The following PHF11 variants were observed in gnomAD, a reference collection of about 807,000 sequenced individuals.
The protein encoded by PHF11 is PHD finger protein 11, also known as BRCA1 C-terminus-associated protein.
PHF11 carries 38 observed loss-of-function variants against 40.5 expected under a neutral mutation model. The ratio of observed to expected loss-of-function variants is 0.94; its 90% confidence interval spans 0.72 to 1.23. PHF11 has a LOEUF of 1.23. Among genes scored for constraint, PHF11 ranks in the 50% most tolerant of loss-of-function variants. The pLI, the probability that PHF11 is intolerant of heterozygous loss-of-function variation, is 0.00. For missense variants in PHF11, 369 were observed against 392.4 expected (o/e 0.94, Z 0.50); for synonymous variants, 127 against 138.2 (o/e 0.92, Z 0.57).
chr13:49,514,047 G>A (rs1353454400), intron 3 of PHF11, among the ~76,000 whole-genome samples: 1 of 152,220 alleles, frequency 6.6e-6, no homozygotes, highest in East Asian at 1.9e-4. Flanking sequence ...TAACTAATCA[G>A]GGGTCAGCTC....
chr13:49,521,400 A>T (rs1275603646), intron 5 of PHF11: 2 of 987,732 alleles, frequency 2.0e-6, no homozygotes, highest in Non-Finnish European at 2.4e-6. Flanking sequence ...TGAGTGGAAC[A>T]GCAGTGTCTT....
intron 2 of PHF11, among the ~76,000 whole-genome samples, chr13:49,508,230 T>TTGTGTTATGTATTAATATATTATTAA (rs1447503946): frequency 7.2e-5 from 9 of 124,968 alleles, no homozygotes; most frequent in African/African-American, 2.7e-4. Flanking sequence ...TAATATATTA[T>TTGTGTTATGTATTAATATATTATTAA]TGTGTTATGT....
Position 49,528,550 on chromosome 13 carries a change from A to G in PHF11, c.881A>G (p.Gln294Arg). The G allele has an allele frequency of 6.2e-7, 1 of 1,610,802 alleles. No homozygotes were observed. Among genetic ancestry groups the G allele is most frequent in the Non-Finnish European group, 8.5e-7 (1 of 1,178,282 alleles). Residue 294 changes from glutamine to arginine, a missense_variant, in exon 10 of 10, where the codon CAG becomes CGG. Coordinates refer to ENST00000378319, the MANE Select transcript of PHF11 (RefSeq NM_001040443.3). The part of the protein sequence containing the change: ...KKIHASQQRW[Q>R]QLKEEIELLQ... ...ATTCATGCATCTCAACAAAGGTGGC[A>G]GCAGTTGAAGGAAGAGATTGAGCTA...
intron 6 of PHF11, 130 bp from the exon 7 acceptor site, chr13:49,523,045 G>C: frequency 1.4e-6 from 1 of 722,366 alleles, no homozygotes; most frequent in African/African-American, 1.8e-5. Context: ...TTACAGGCGT[G>C]AGACACCGCG....
Position 49,496,042 on chromosome 13 carries a change from G to T in PHF11, c.41G>T (p.Gly14Val), listed in dbSNP as rs1346272860. The change falls in exon 1 of 10, where the codon GGC becomes GTC. Residue 14 changes from glycine to valine, a missense_variant. Transcript: ENST00000378319. ...CCGCCCCGGCCCGAGAGGGTGCTCG[G>T]CGCCAGCAGCCCGGAGGCCCGGCCC... ...ASPPRPERVL[G>V]ASSPEARPAQ... The T allele has an allele frequency of 6.8e-7, 1 of 1,471,952 alleles. No individual in the cohort carries two copies. The allele number at this position is 1,471,952 out of a possible 1,614,324, so 91.2% of individuals were successfully genotyped here. A position where few individuals can be genotyped will look rare whatever the true frequency, so the allele number is the denominator to read the frequency against.
chr13:49,522,775 T>G (rs1959195430), intron 6 of PHF11, among the ~76,000 whole-genome samples: 1 of 149,048 alleles, frequency 6.7e-6, no homozygotes, highest in African/African-American at 2.5e-5. Context: ...TTGTTTTTTT[T>G]TTTTTTTGAG....
intron 1 of PHF11, among the ~76,000 whole-genome samples, chr13:49,504,448 T>C (rs1478040628): frequency 2.0e-5 from 3 of 151,080 alleles, no homozygotes; most frequent in Admixed American, 6.6e-5. Flanking sequence ...AGAGCGAGAC[T>C]CTGTCTAAAA....
chr13:49,515,715 G>A (rs987056117), intron 3 of PHF11, among the ~76,000 whole-genome samples: 21 of 152,022 alleles, frequency 1.4e-4, no homozygotes, highest in African/African-American at 3.9e-4. Flanking sequence ...TCTCTAAAGC[G>A]AGTACTGACA....
rs532158126 is a variant in PHF11 at position 49,521,858 on chromosome 13, A to T, written c.506-185A>T. The T allele has an allele frequency of 6.2e-4, 240 of 387,280 alleles. 1 individual carries two copies. Among genetic ancestry groups the T allele is most frequent in the Middle Eastern group, 3.8e-3 (5 of 1,320 alleles). The allele number at this position is 387,280 out of a possible 1,614,324, so 24.0% of individuals were successfully genotyped here. A position where few individuals can be genotyped will look rare whatever the true frequency, so the allele number is the denominator to read the frequency against. ...CTACTCAATTATTTACCTGTTTTGC[A>T]TTAAACTTATAATATCTTTTTTAAA... On this transcript the variant is annotated intron_variant, in intron 5 of 9. Transcript: ENST00000378319.
Position 49,513,016 on chromosome 13 carries a change from T to C in PHF11, c.217-43T>C, listed in dbSNP as rs781568376. 3 of 931,024 alleles carry C rather than the reference T, an allele frequency of 3.2e-6. No homozygotes were observed. The South Asian group carries it at 4.3e-5, about 13-fold the overall frequency. The allele number at this position is 931,024 out of a possible 1,614,324, so 57.7% of individuals were successfully genotyped here. On this transcript the variant is annotated intron_variant, in intron 2 of 9. Transcript: ENST00000378319. ...TGATTTTCTGACATGTAGCTTTCAA[T>C]ATTACTTTGTGCATACTCTGGATTT...
chr13:49,501,492 A>G (rs1011527897), intron 1 of PHF11, among the ~76,000 whole-genome samples: 1 of 152,332 alleles, frequency 6.6e-6, no homozygotes, highest in South Asian at 2.1e-4. Flanking sequence ...ATATTAACAT[A>G]TATTCTAAAA....
intron 1 of PHF11, among the ~76,000 whole-genome samples, chr13:49,504,572 G>A (rs113453320): frequency 2.6e-5 from 3 of 116,302 alleles, no homozygotes; most frequent in Admixed American, 8.7e-5. Flanking sequence ...CCGGCCAGCC[G>A]CCCCGTCCGG....
chr13:49,526,933 C>T (rs978225635), intron 9 of PHF11, among the ~76,000 whole-genome samples: 8 of 152,130 alleles, frequency 5.3e-5, no homozygotes, highest in African/African-American at 1.9e-4. Context: ...ATAAACCATC[C>T]CTCCGCTTGC....
At chr13:49,500,387 G>T (rs1486530294) in intron 1 of PHF11, among the ~76,000 whole-genome samples, 2 of 152,166 alleles carry the variant, frequency 1.3e-5, no homozygotes, top group African/African-American at 4.8e-5. Context: ...GAGTTCAGAT[G>T]GTGAGGGATA....
chr13:49,528,783 C>A lies in PHF11; in HGVS notation c.*118C>A. 6 of 681,400 alleles carry A rather than the reference C, an allele frequency of 8.8e-6. 1 individual carries two copies. Among genetic ancestry groups the A allele is most frequent in the Non-Finnish European group, 1.5e-5 (6 of 403,414 alleles). 42.2% of individuals were successfully genotyped at this position (681,400 alleles called of 1,614,324 possible). A position where few individuals can be genotyped will look rare whatever the true frequency, so the allele number is the denominator to read the frequency against. On this transcript the variant is annotated 3_prime_UTR_variant, in exon 10 of 10. Transcript: ENST00000378319. ...AGTCGTCTCCTCTTGGCCTCAGCAGCTCTTCCCTGTTCTTACTGGTTGACA... is the reference window on the plus strand; with the variant it reads ...AGTCGTCTCCTCTTGGCCTCAGCAGATCTTCCCTGTTCTTACTGGTTGACA...
At chr13:49,506,835 T>C in intron 2 of PHF11, 79 bp downstream of exon 2, 2 of 932,574 alleles carry the variant, frequency 2.1e-6, no homozygotes, top group Middle Eastern at 2.4e-4. Flanking sequence ...AACAACACTT[T>C]GGACACAAAG....
At chr13:49,515,488 ACAC>A (rs1959140209) in intron 3 of PHF11, among the ~76,000 whole-genome samples, 1 of 110,184 alleles carries the variant, frequency 9.1e-6, no homozygotes, top group African/African-American at 3.5e-5. Flanking sequence ...ACACACACAC[ACAC>A]ACACACACAC....
At chr13:49,524,046 T>C (rs747334275) in intron 7 of PHF11, 39 bp from the exon 8 acceptor site, 8 of 1,576,458 alleles carry the variant, frequency 5.1e-6, no homozygotes, top group Non-Finnish European at 6.9e-6. Flanking sequence ...TTAGCTGCCC[T>C]AAGACTATTT....
chr13:49,516,046 TTCC>T (rs553629636), intron 3 of PHF11, among the ~76,000 whole-genome samples: 19 of 152,118 alleles, frequency 1.2e-4, no homozygotes, highest in Non-Finnish European at 2.6e-4. Context: ...TAGAATGTCT[TTCC>T]TCCTCCTTTT....
Sources: allele counts gnomAD v4.1 joint callset (sites outside exome capture counted in the v4.1 genomes callset), GRCh38; gene constraint gnomAD v4.1.1; transcripts MANE v1.5; gene names NCBI Gene and HGNC (gene_info 2026-07-23, HGNC 2026-07-21).